TNR: variants seen among roughly 807,000 people sequenced by gnomAD.
TNR encodes tenascin R.
In TNR, 45 loss-of-function variants were observed where a neutral mutation model predicts 150.4. The observed-to-expected ratio is 0.30, with a 90% confidence interval of 0.24 to 0.38. The LOEUF is 0.38. TNR is among the 10% of genes least tolerant of loss of function. The probability of loss-of-function intolerance (pLI) is 1.00; values close to 1 mark genes in which losing one functional copy is unlikely to be tolerated. For missense variants in TNR, 1,544 were observed against 1,759.1 expected (o/e 0.88, Z 2.19); for synonymous variants, 687 against 678.4 (o/e 1.01, Z -0.20).
intron 1 of TNR, among the ~76,000 whole-genome samples, chr1:175,603,955 T>C (rs1248407398): frequency 6.6e-6 from 1 of 152,214 alleles, no homozygotes; most frequent in Non-Finnish European, 1.5e-5. Flanking sequence ...TTTCAGTATT[T>C]TATTTTCAAG....
chr1:175,481,341 T>C (rs972360644), intron 2 of TNR, among the ~76,000 whole-genome samples: 3 of 152,224 alleles, frequency 2.0e-5, no homozygotes, highest in Admixed American at 6.5e-5. Context: ...TTCCAACATC[T>C]GTACCTGAAA....
At chr1:175,695,133 G>GT (rs1208728361) in intron 1 of TNR, among the ~76,000 whole-genome samples, 4 of 152,206 alleles carry the variant, frequency 2.6e-5, no homozygotes, top group Admixed American at 2.6e-4. Flanking sequence ...GGGATAAGGT[G>GT]TAACTTCCAG....
At chr1:175,462,833 G>C (rs1212127560) in intron 2 of TNR, among the ~76,000 whole-genome samples, 1 of 152,216 alleles carries the variant, frequency 6.6e-6, no homozygotes, top group Non-Finnish European at 1.5e-5. Flanking sequence ...AGGCCAGCTG[G>C]TCAGAGAACA....
intron 1 of TNR, among the ~76,000 whole-genome samples, chr1:175,736,513 T>C (rs1461171157): frequency 6.6e-6 from 1 of 150,516 alleles, no homozygotes; most frequent in Admixed American, 6.6e-5. Flanking sequence ...AGAACAAGAC[T>C]CTATCTCAAA....
intron 1 of TNR, among the ~76,000 whole-genome samples, chr1:175,719,682 G>A (rs1667248513): frequency 6.6e-6 from 1 of 152,148 alleles, no homozygotes; most frequent in Admixed American, 6.5e-5. Flanking sequence ...AGATAGCCAA[G>A]CCCAAGTGTC....
At chr1:175,722,028 G>A (rs1346206136) in intron 1 of TNR, among the ~76,000 whole-genome samples, 1 of 152,074 alleles carries the variant, frequency 6.6e-6, no homozygotes. Context: ...ACCCATCCCA[G>A]GATTGCAAGA....
intron 2 of TNR, among the ~76,000 whole-genome samples, chr1:175,488,386 T>C (rs551915815): frequency 3.4e-4 from 51 of 152,230 alleles, no homozygotes; most frequent in African/African-American, 1.2e-3. Context: ...CTTAAAAGGA[T>C]CACCACTGAG....
chr1:175,441,142 A>T (rs1655771590), intron 2 of TNR, among the ~76,000 whole-genome samples: 1 of 152,180 alleles, frequency 6.6e-6, no homozygotes, highest in African/African-American at 2.4e-5. Flanking sequence ...CCAACAATTA[A>T]CATGATGCCT....
intron 7 of TNR, among the ~76,000 whole-genome samples, chr1:175,388,164 ACACT>A (rs1653018040): frequency 6.6e-6 from 1 of 152,154 alleles, no homozygotes; most frequent in Non-Finnish European, 1.5e-5. Flanking sequence ...AGCATAGTAG[ACACT>A]CAGTAAATGT....
intron 1 of TNR, among the ~76,000 whole-genome samples, chr1:175,715,404 G>A (rs975327828): frequency 1.3e-5 from 2 of 152,124 alleles, no homozygotes; most frequent in African/African-American, 4.8e-5. Context: ...AGGCAGGGAG[G>A]TAAACTGAGG....
At chr1:175,547,903 G>A (rs1023057720) in intron 1 of TNR, among the ~76,000 whole-genome samples, 1 of 152,152 alleles carries the variant, frequency 6.6e-6, no homozygotes, top group African/African-American at 2.4e-5. Context: ...TTTGGCCTCG[G>A]ACTTGGCTCT....
chr1:175,536,027 A>C (rs977018103), intron 1 of TNR, among the ~76,000 whole-genome samples: 1 of 152,208 alleles, frequency 6.6e-6, no homozygotes, highest in Non-Finnish European at 1.5e-5. Flanking sequence ...GTTTAAGCTT[A>C]TTACTAACTT....
At chr1:175,403,119 C>G (rs775843692) in intron 4 of TNR, 21 bp downstream of exon 4, 1 of 1,595,194 alleles carries the variant, frequency 6.3e-7, no homozygotes, top group Non-Finnish European at 8.6e-7. Flanking sequence ...GCCAAACACC[C>G]CAGAGAGTTC....
At chr1:175,499,215 T>A (rs1387800896) in intron 2 of TNR, among the ~76,000 whole-genome samples, 1 of 152,224 alleles carries the variant, frequency 6.6e-6, no homozygotes, top group Non-Finnish European at 1.5e-5. Flanking sequence ...GAGTAGAAAC[T>A]GAACATGACA....
intron 1 of TNR, among the ~76,000 whole-genome samples, chr1:175,683,463 C>T (rs564082642): frequency 6.6e-6 from 1 of 152,324 alleles, no homozygotes; most frequent in South Asian, 2.1e-4. Context: ...CACCATCCTT[C>T]TCCAAAAAAG....
chr1:175,639,784 G>T (rs887133216), intron 1 of TNR, among the ~76,000 whole-genome samples: 2 of 152,108 alleles, frequency 1.3e-5, no homozygotes, highest in Admixed American at 6.6e-5. Flanking sequence ...TGAGAATTTT[G>T]AATTTCCTCT....
At chr1:175,479,512 C>T (rs1448180684) in intron 2 of TNR, among the ~76,000 whole-genome samples, 3 of 152,176 alleles carry the variant, frequency 2.0e-5, no homozygotes, top group Non-Finnish European at 4.4e-5. Context: ...TCCTGGTGAC[C>T]TATCACCTCA....
At chr1:175,672,567 T>G (rs535495222) in intron 1 of TNR, among the ~76,000 whole-genome samples, 16 of 152,326 alleles carry the variant, frequency 1.1e-4, no homozygotes, top group Middle Eastern at 3.4e-3. Flanking sequence ...CAAAGGCAGT[T>G]TCTGCAGGCC....
At chr1:175,568,757 C>T (rs1045444947) in intron 1 of TNR, among the ~76,000 whole-genome samples, 1 of 152,140 alleles carries the variant, frequency 6.6e-6, no homozygotes, top group Non-Finnish European at 1.5e-5. Context: ...TCACAGGAAC[C>T]CTCCTCTTAG....
Sources: allele counts gnomAD v4.1 joint callset (sites outside exome capture counted in the v4.1 genomes callset), GRCh38; gene constraint gnomAD v4.1.1; transcripts MANE v1.5; gene names NCBI Gene and HGNC (gene_info 2026-07-23, HGNC 2026-07-21).